The following WWC2 variants were observed in gnomAD, a reference collection of about 807,000 sequenced individuals.
The protein encoded by WWC2 is WW and C2 domain containing 2, also known as protein WWC2.
A neutral mutation model predicts 138.5 loss-of-function variants in WWC2; 101 were observed. The observed-to-expected ratio is 0.73, with a 90% CI of 0.62 to 0.86. WWC2 has a LOEUF of 0.86. WWC2 is among the 40% of genes least tolerant of loss of function. WWC2 has a pLI of 0.00. For synonymous variants in WWC2, 558 were observed against 538.4 expected, an observed-to-expected ratio of 1.04 and a Z score of -0.50; for missense variants, 1,420 against 1,419.4, an observed-to-expected ratio of 1.00 and a Z score of -0.01.
At chr4:183,114,277 T>C (rs1732342953) in intron 1 of WWC2, among the ~76,000 whole-genome samples, 2 of 152,310 alleles carry the variant, frequency 1.3e-5, no homozygotes, top group South Asian at 4.2e-4. Flanking sequence ...CTGAAGCTCT[T>C]CCCAGGAGCT....
At chr4:183,099,877 C>A (rs1225191732) in intron 1 of WWC2, among the ~76,000 whole-genome samples, 1 of 152,186 alleles carries the variant, frequency 6.6e-6, no homozygotes, top group Non-Finnish European at 1.5e-5. Context: ...GCCGACGCCG[C>A]GCGCCAGGCT....
chr4:183,280,752 T>G (rs761499280), intron 16 of WWC2, 24 bp from the exon 17 acceptor site: 4 of 1,585,504 alleles, frequency 2.5e-6, no homozygotes, highest in Non-Finnish European at 3.4e-6. Flanking sequence ...TTATGTTAAT[T>G]GCCGTATGCT....
intron 1 of WWC2, among the ~76,000 whole-genome samples, chr4:183,191,538 G>A (rs1168802050): frequency 6.6e-6 from 1 of 152,150 alleles, no homozygotes; most frequent in African/African-American, 2.4e-5. Flanking sequence ...TAGTGAGTAA[G>A]TGGCAGAATA....
At chr4:183,282,544 G>C in intron 17 of WWC2, 164 bp from the exon 18 acceptor site, 1 of 692,148 alleles carries the variant, frequency 1.4e-6, no homozygotes, top group East Asian at 2.7e-5. Context: ...GTGAAGAGAG[G>C]ATTTTTTTAA....
Position 183,300,685 on chromosome 4 carries a change from A to G in WWC2, c.3384+11050A>G, listed in dbSNP as rs116376090. Reference sequence around the variant, plus strand: ...AATATAAAAACATAGAGACAAATACAGTCTTCAGTAAAGTATATTCTTACT... The same window carrying G: ...AATATAAAAACATAGAGACAAATACGGTCTTCAGTAAAGTATATTCTTACT... On this transcript the variant is annotated intron_variant, in intron 21 of 22. Transcript: ENST00000403733. Among the ~76,000 whole-genome samples, 724 of 152,304 alleles carry G rather than the reference A, an allele frequency of 4.8e-3. 5 individuals carry two copies. Among genetic ancestry groups the G allele is most frequent in the African/African-American group, 0.016 (675 of 41,566 alleles).
Position 183,316,035 on chromosome 4 carries a change from A to G in WWC2, c.*306A>G, listed in dbSNP as rs1560902383. 8.9e-6 allele frequency: 2 copies of G among 223,748 alleles called. No individual in the cohort carries two copies. Among genetic ancestry groups the G allele is most frequent in the Non-Finnish European group, 1.7e-5 (2 of 115,346 alleles). 13.9% of individuals were successfully genotyped at this position (223,748 alleles called of 1,614,324 possible). A position where few individuals can be genotyped will look rare whatever the true frequency, so the allele number is the denominator to read the frequency against. On this transcript the variant is annotated 3_prime_UTR_variant, in exon 23 of 23. Coordinates refer to ENST00000403733, the MANE Select transcript of WWC2 (RefSeq NM_024949.6). The stretch of plus-strand genomic sequence containing the variant: ...TTTGTAAAAATGGAATAGAGGCAGT[A>G]CCCCACATGTGTACTGTTGAGCCGG...
intron 17 of WWC2, chr4:183,281,124 C>T (rs552195584): frequency 2.2e-4 from 115 of 517,610 alleles, no homozygotes; most frequent in African/African-American, 1.7e-3. Flanking sequence ...GTTCTTGTTT[C>T]GAGTAATTTT....
At position 183,110,559 on chromosome 4, in the gene WWC2, T is replaced by G. The variant is rs1219327925; in HGVS notation, c.131+10937T>G. Among the ~76,000 whole-genome samples the G allele has an allele frequency of 2.6e-5, 4 of 151,984 alleles. No homozygotes were observed. In the East Asian group the frequency reaches 7.7e-4, roughly 29 times the overall value. ...TGAGGTAGTCATGCACTAACAGAGT[T>G]ATGTATTGGGAGCTGTTTTTTCACT... On this transcript the variant is annotated intron_variant, in intron 1 of 22. Coordinates refer to ENST00000403733, the MANE Select transcript of WWC2 (RefSeq NM_024949.6).
chr4:183,245,457 T>A lies in WWC2; in HGVS notation c.644T>A (p.Leu215His). 5 of 1,602,678 alleles carry A rather than the reference T, an allele frequency of 3.1e-6. No homozygotes were observed. Among genetic ancestry groups the A allele is most frequent in the Non-Finnish European group, 4.3e-6 (5 of 1,176,180 alleles). The change falls in exon 6 of 23, where the codon CTC (leucine) becomes CAC (histidine). Residue 215 changes from leucine to histidine, a missense_variant. By Grantham distance (99) the Leu-to-His change is moderately conservative. Transcript: ENST00000403733. ...TCTGGAGGCCAGAGCGGGTATGAAC[T>A]CAGTGAAGCCAAAGCCATTCTAACA... Reference protein sequence around the residue: ...KMSGGQSGYELSEAKAILTEL... With the variant: ...KMSGGQSGYEHSEAKAILTEL...
intron 1 of WWC2, among the ~76,000 whole-genome samples, chr4:183,127,736 A>G (rs1732803337): frequency 6.6e-6 from 1 of 152,182 alleles, no homozygotes; most frequent in Non-Finnish European, 1.5e-5. Context: ...TATATTATAT[A>G]CCTTAAATGT....
At chr4:183,218,148 G>A (rs945711887) in intron 4 of WWC2, among the ~76,000 whole-genome samples, 3 of 152,016 alleles carry the variant, frequency 2.0e-5, no homozygotes, top group Admixed American at 6.6e-5. Context: ...ATTTCTATAC[G>A]TAGTGAAAAT....
chr4:183,149,489 G>A (rs1284913441), intron 1 of WWC2, among the ~76,000 whole-genome samples: 1 of 152,006 alleles, frequency 6.6e-6, no homozygotes, highest in African/African-American at 2.4e-5. Flanking sequence ...AGGTGTGGTG[G>A]TGTATGCCTG....
chr4:183,227,820 A>G (rs1296923548), intron 4 of WWC2, among the ~76,000 whole-genome samples: 1 of 152,088 alleles, frequency 6.6e-6, no homozygotes, highest in African/African-American at 2.4e-5. Context: ...ATATAGGTGA[A>G]ATAAAGACAT....
At chr4:183,149,945 T>G (rs1296221931) in intron 1 of WWC2, among the ~76,000 whole-genome samples, 1 of 152,202 alleles carries the variant, frequency 6.6e-6, no homozygotes, top group African/African-American at 2.4e-5. Flanking sequence ...ATCTGCTTCT[T>G]TGTTACCCAG....
chr4:183,103,287 C>A (rs1356829545), intron 1 of WWC2, among the ~76,000 whole-genome samples: 1 of 150,832 alleles, frequency 6.6e-6, no homozygotes, highest in Non-Finnish European at 1.5e-5. Flanking sequence ...GCTCTCCACA[C>A]CCGTTTGAGG....
At chr4:183,146,752 A>G (rs1477132077) in intron 1 of WWC2, among the ~76,000 whole-genome samples, 1 of 152,224 alleles carries the variant, frequency 6.6e-6, no homozygotes, top group Admixed American at 6.5e-5. Context: ...AGACTCTGCC[A>G]GGAAGGTTAG....
At chr4:183,146,634 C>T (rs1445256953) in intron 1 of WWC2, among the ~76,000 whole-genome samples, 3 of 152,070 alleles carry the variant, frequency 2.0e-5, no homozygotes, top group Admixed American at 6.5e-5. Flanking sequence ...TGCTCATGTG[C>T]GCAGCGTACA....
intron 1 of WWC2, among the ~76,000 whole-genome samples, chr4:183,167,474 A>G (rs900313693): frequency 1.3e-4 from 19 of 151,678 alleles, no homozygotes; most frequent in African/African-American, 3.9e-4. Context: ...TAGAGCTGTC[A>G]TATCTCCCAG....
chr4:183,287,033 A>G (rs1738282517), intron 20 of WWC2, among the ~76,000 whole-genome samples: 1 of 152,186 alleles, frequency 6.6e-6, no homozygotes, highest in Non-Finnish European at 1.5e-5. Context: ...GAGGAGTGTC[A>G]GGTTCTGCCA....
Sources: allele counts gnomAD v4.1 joint callset (sites outside exome capture counted in the v4.1 genomes callset), GRCh38; gene constraint gnomAD v4.1.1; transcripts MANE v1.5; gene names NCBI Gene and HGNC (gene_info 2026-07-23, HGNC 2026-07-21).